ALDH1A2: variants seen among roughly 807,000 people sequenced by gnomAD.
The protein encoded by ALDH1A2 is retinal dehydrogenase 2.
Under a neutral mutation model 60.3 loss-of-function variants are expected in ALDH1A2, and 27 were observed. The ratio of observed to expected loss-of-function variants is 0.45; its 90% CI spans 0.33 to 0.62. The LOEUF (loss-of-function observed/expected upper bound fraction) is 0.62, where lower values mean the gene tolerates loss of function less well. ALDH1A2 is among the 20% of genes least tolerant of loss of function. The probability of loss-of-function intolerance (pLI) is 0.02; values close to 1 mark genes in which losing one functional copy is unlikely to be tolerated. For missense variants in ALDH1A2, 581 were observed against 643.8 expected (o/e 0.90, Z 1.06); for synonymous variants, 289 against 232.4 (o/e 1.24, Z -2.21).
At chr15:58,004,726 T>TAC (rs747267514) in intron 4 of ALDH1A2, among the ~76,000 whole-genome samples, 2,204 of 113,590 alleles carry the variant, frequency 0.019, 19 homozygotes, top group Non-Finnish European at 0.027. Context: ...TGTGTATATA[T>TAC]ATACATATAT....
In ALDH1A2 at chr15:57,962,156, G is replaced by A. The variant is rs1411458398; in HGVS notation, c.1107C>T (p.Asn369=). ...QGPQIDKKQY[N]KILELIQSGV... ...CACTCTGGATGAGTTCCAAGATCTT[G>A]TTGTACTGTTTCTTATCAATCTGTG... Residue 369 remains asparagine (N), a synonymous_variant, in exon 10 of 13, where the codon AAC becomes AAT. Coordinates refer to ENST00000249750, the MANE Select transcript of ALDH1A2 (RefSeq NM_003888.4). 3 of 1,614,024 alleles carry A rather than the reference G, an allele frequency of 1.9e-6. No homozygotes were observed. In the African/African-American group the frequency reaches 4.0e-5, roughly 22 times the overall value.
intron 1 of ALDH1A2, among the ~76,000 whole-genome samples, chr15:58,031,695 A>AG (rs1165257027): frequency 4.6e-5 from 7 of 152,184 alleles, no homozygotes; most frequent in Non-Finnish European, 8.8e-5. Context: ...AAGTGGGCAA[A>AG]GAATGAACAG....
intron 1 of ALDH1A2, among the ~76,000 whole-genome samples, chr15:58,016,731 T>C (rs1895798980): frequency 6.6e-6 from 1 of 152,072 alleles, no homozygotes; most frequent in Non-Finnish European, 1.5e-5. Context: ...ACTCATCAAT[T>C]ATTTCTAATT....
At chr15:57,969,390 T>C (rs1306758579) in intron 7 of ALDH1A2, among the ~76,000 whole-genome samples, 1 of 152,260 alleles carries the variant, frequency 6.6e-6, no homozygotes, top group African/African-American at 2.4e-5. Flanking sequence ...TACTTTGTTA[T>C]AACCCACAGG....
chr15:58,045,472 T>G (rs1167168458), intron 1 of ALDH1A2, among the ~76,000 whole-genome samples: 1 of 152,072 alleles, frequency 6.6e-6, no homozygotes, highest in Non-Finnish European at 1.5e-5. Context: ...CTATTCACAA[T>G]AGCAAAGACT....
At position 57,955,190 on chromosome 15, in the gene ALDH1A2, G is replaced by A; in HGVS notation, c.*7C>T. On this transcript the variant is annotated 3_prime_UTR_variant, in exon 13 of 13. Transcript: ENST00000249750. ...CAGGCTGGGCTTCATCCTCCTTCTT[G>A]GCCTTCTTAGGAGTTCTTCTGGGGG... 3 of 1,613,882 alleles carry A rather than the reference G, an allele frequency of 1.9e-6. No individual in the cohort carries two copies. Among genetic ancestry groups the A allele is most frequent in the Non-Finnish European group, 1.7e-6 (2 of 1,179,822 alleles).
At chr15:58,004,990 A>G (rs960541721) in intron 4 of ALDH1A2, among the ~76,000 whole-genome samples, 1 of 151,780 alleles carries the variant, frequency 6.6e-6, no homozygotes, top group Admixed American at 6.6e-5. Flanking sequence ...AATTCCTAAA[A>G]TGTAATTTTG....
intron 1 of ALDH1A2, among the ~76,000 whole-genome samples, chr15:58,026,745 C>A (rs1482971845): frequency 1.3e-5 from 2 of 152,204 alleles, no homozygotes; most frequent in East Asian, 1.9e-4. Flanking sequence ...GGGTCCCATG[C>A]CCACGGAGCC....
At chr15:58,042,072 C>G (rs1323420712) in intron 1 of ALDH1A2, among the ~76,000 whole-genome samples, 1 of 151,938 alleles carries the variant, frequency 6.6e-6, no homozygotes, top group African/African-American at 2.4e-5. Context: ...CACAAACATT[C>G]AGACTGTAGA....
intron 1 of ALDH1A2, among the ~76,000 whole-genome samples, chr15:58,037,874 A>G (rs1473159327): frequency 4.0e-5 from 6 of 151,720 alleles, no homozygotes; most frequent in African/African-American, 1.4e-4. Context: ...AAGGACTTTG[A>G]TATCAGTTGA....
At chr15:58,035,260 T>G (rs534006091) in intron 1 of ALDH1A2, among the ~76,000 whole-genome samples, 1 of 151,850 alleles carries the variant, frequency 6.6e-6, no homozygotes, top group Non-Finnish European at 1.5e-5. Flanking sequence ...TATTTCTGTA[T>G]TATTCTTCTA....
chr15:58,025,867 A>C lies in ALDH1A2; in HGVS notation c.118-11586T>G, dbSNP rs143391363. On this transcript the variant is annotated intron_variant, in intron 1 of 12. Transcript: ENST00000249750. The stretch of plus-strand genomic sequence containing the variant: ...AAAAGAGGAAATGCCAGACTTCTTT[A>C]AACAACTAGCTCTCATGTGAACTCA... 1.8e-3 allele frequency among the ~76,000 whole-genome samples: 279 copies of C among 152,264 alleles called. 4 individuals carry two copies. The highest frequency in any genetic ancestry group is 6.0e-3 in the African/African-American group (249 of 41,542).
chr15:58,040,849 T>C (rs1370185379), intron 1 of ALDH1A2, among the ~76,000 whole-genome samples: 2 of 151,952 alleles, frequency 1.3e-5, no homozygotes, highest in Non-Finnish European at 2.9e-5. Flanking sequence ...TCATTTAATC[T>C]TCACATCCAC....
chr15:58,021,585 C>T (rs1269171958), intron 1 of ALDH1A2, among the ~76,000 whole-genome samples: 2 of 152,226 alleles, frequency 1.3e-5, no homozygotes, highest in East Asian at 1.9e-4. Flanking sequence ...TGGAACTGCT[C>T]CTAGGAGAGA....
intron 7 of ALDH1A2, chr15:57,991,356 A>AATAAAATATTT (rs1223708407): frequency 2.0e-5 from 3 of 152,234 alleles, no homozygotes; most frequent in Non-Finnish European, 4.4e-5. Context: ...ATACAACTAG[A>AATAAAATATTT]ATAAAATATT....
chr15:57,965,059 C>T (rs1301853882), intron 8 of ALDH1A2, among the ~76,000 whole-genome samples: 1 of 151,918 alleles, frequency 6.6e-6, no homozygotes, highest in Non-Finnish European at 1.5e-5. Context: ...ATTTCCTTAC[C>T]TGGAGAGCTT....
In ALDH1A2 at chr15:58,065,585, C is replaced by T. The variant is rs142097386; in HGVS notation, c.66G>A (p.Ser22=). 6.2e-7 allele frequency: 1 copy of T among 1,613,070 alleles called. No individual in the cohort carries two copies. Among genetic ancestry groups the T allele is most frequent in the South Asian group, 1.1e-5 (1 of 91,002 alleles). Residue 22 remains serine, a synonymous_variant, in exon 1 of 13, where the codon TCG becomes TCA. Transcript: ENST00000249750. ...GCGTGGGCGACGGCAGGAGGTGCAGCGACGCCATGAGGGCGGCGGGGTCGG... is the reference window on the plus strand; with the variant it reads ...GCGTGGGCGACGGCAGGAGGTGCAGTGACGCCATGAGGGCGGCGGGGTCGG... ...VKADPAALMA[S]LHLLPSPTPN... is the part of the protein sequence containing the mutation.
intron 5 of ALDH1A2, among the ~76,000 whole-genome samples, chr15:57,993,963 T>C (rs1184418282): frequency 6.6e-6 from 1 of 152,232 alleles, no homozygotes; most frequent in Non-Finnish European, 1.5e-5. Flanking sequence ...CCAATTTCTT[T>C]TCCCCTTAGT....
intron 9 of ALDH1A2, 51 bp from the exon 10 acceptor site, chr15:57,962,227 G>T: frequency 1.3e-6 from 2 of 1,591,644 alleles, no homozygotes; most frequent in Non-Finnish European, 1.7e-6. Context: ...TATGAAAATG[G>T]AAATAAGTAT....
Sources: allele counts gnomAD v4.1 joint callset (sites outside exome capture counted in the v4.1 genomes callset), GRCh38; gene constraint gnomAD v4.1.1; transcripts MANE v1.5; gene names NCBI Gene and HGNC (gene_info 2026-07-23, HGNC 2026-07-21).